TYW1B: variants seen among roughly 807,000 people sequenced by gnomAD.
TYW1B encodes S-adenosyl-L-methionine-dependent tRNA 4-demethylwyosine synthase TYW1B.
A neutral mutation model predicts 86.9 loss-of-function variants in TYW1B; 73 were observed. The ratio of observed to expected loss-of-function variants is 0.84; its 90% confidence interval spans 0.70 to 1.02. The LOEUF (loss-of-function observed/expected upper bound fraction) is 1.02, where lower values mean the gene tolerates loss of function less well. Among genes scored for constraint, TYW1B ranks in the 50% least tolerant of loss-of-function variants. The pLI is 0.00. For synonymous variants in TYW1B, 248 were observed against 292.8 expected (o/e 0.85, Z 1.56); for missense variants, 637 against 827.4 (o/e 0.77, Z 2.82).
intron 6 of TYW1B, among the ~76,000 whole-genome samples, chr7:72,781,810 C>T (rs1190982126): frequency 2.0e-5 from 3 of 152,188 alleles, no homozygotes; most frequent in African/African-American, 7.2e-5. Context: ...CCTCGCCAAG[C>T]TGCAGTGGTC....
chr7:72,814,530 G>T (rs1330915558), intron 3 of TYW1B, among the ~76,000 whole-genome samples: 2 of 151,930 alleles, frequency 1.3e-5, no homozygotes, highest in Non-Finnish European at 2.9e-5. Context: ...CTTGCAGTGA[G>T]CCGAGATCGC....
intron 13 of TYW1B, among the ~76,000 whole-genome samples, chr7:72,599,433 T>C (rs1811606796): frequency 6.6e-6 from 1 of 152,180 alleles, no homozygotes; most frequent in South Asian, 2.1e-4. Context: ...GCTAAGATCA[T>C]ACTTAATGGT....
intron 7 of TYW1B, among the ~76,000 whole-genome samples, chr7:72,753,665 G>A (rs569626715): frequency 6.6e-6 from 1 of 152,052 alleles, no homozygotes; most frequent in South Asian, 2.1e-4. Context: ...ATTTTTAGTA[G>A]AGACGGGGTT....
intron 11 of TYW1B, among the ~76,000 whole-genome samples, chr7:72,679,536 A>T (rs1436030091): frequency 3.9e-5 from 6 of 152,168 alleles, no homozygotes; most frequent in Non-Finnish European, 8.8e-5. Context: ...GGAAGAAATG[A>T]GGGAGGCTAC....
chr7:72,713,340 C>G (rs1177878731), intron 10 of TYW1B, among the ~76,000 whole-genome samples: 1 of 147,832 alleles, frequency 6.8e-6, no homozygotes, highest in Non-Finnish European at 1.5e-5. Context: ...ATGACAGCTT[C>G]TCTGGTAAGT....
intron 11 of TYW1B, among the ~76,000 whole-genome samples, chr7:72,671,351 T>C (rs565507442): frequency 2.6e-5 from 4 of 152,336 alleles, no homozygotes; most frequent in Admixed American, 6.5e-5. Context: ...CAATGTGTGG[T>C]TGAACCATAA....
intron 2 of TYW1B, among the ~76,000 whole-genome samples, 197 bp from the exon 3 acceptor site, chr7:72,815,678 C>A (rs1788709958): frequency 6.6e-6 from 1 of 151,972 alleles, no homozygotes; most frequent in Non-Finnish European, 1.5e-5. Flanking sequence ...TTGTTCTCAC[C>A]CGATCAGGGT....
rs1554459237 is a variant in TYW1B at position 72,728,822 on chromosome 7, C to T, written c.1192G>A (p.Gly398Arg). The part of the protein sequence containing the change: ...NHQNMIKQFK[G>R]VPGVKAERFE... ...TCCTCTGTAGAGGGAAGATAAATAC[C>T]TTTAAACTGCTTAATCATGTTCTGA... Residue 398 changes from glycine (G) to arginine (R), a missense_variant and splice_region_variant, in exon 9 of 14, where the codon GGA becomes AGA. Gly to Arg is a moderately radical substitution (Grantham distance 125). Coordinates refer to ENST00000620995, the MANE Select transcript of TYW1B (RefSeq NM_001145440.3). The T allele has an allele frequency of 6.2e-7, 1 of 1,612,346 alleles. No homozygotes were observed.
chr7:72,649,077 C>A (rs1423735482), intron 11 of TYW1B, among the ~76,000 whole-genome samples: 2 of 151,998 alleles, frequency 1.3e-5, no homozygotes, highest in Non-Finnish European at 2.9e-5. Context: ...ACATTTTGAA[C>A]AAGACAGTCC....
At chr7:72,672,567 C>T (rs1484434075) in intron 11 of TYW1B, among the ~76,000 whole-genome samples, 1 of 151,448 alleles carries the variant, frequency 6.6e-6, no homozygotes, top group Non-Finnish European at 1.5e-5. Context: ...GTTCCTTCAG[C>T]ATCTGCAGAT....
intron 8 of TYW1B, 60 bp from the exon 9 acceptor site, chr7:72,728,991 T>C: frequency 1.3e-6 from 2 of 1,496,092 alleles, no homozygotes; most frequent in Non-Finnish European, 1.8e-6. Flanking sequence ...GGCTAGTCAT[T>C]TATGATGAAG....
At chr7:72,803,294 C>A in intron 5 of TYW1B, among the ~76,000 whole-genome samples, 1 of 152,144 alleles carries the variant, frequency 6.6e-6, no homozygotes, top group South Asian at 2.1e-4. Flanking sequence ...GGAGTGGGAA[C>A]AACTAACACT....
At chr7:72,749,111 T>C (rs1216488137) in intron 7 of TYW1B, among the ~76,000 whole-genome samples, 5 of 152,214 alleles carry the variant, frequency 3.3e-5, no homozygotes, top group African/African-American at 9.6e-5. Flanking sequence ...CTTCAATGAT[T>C]ACAGGATTAT....
At chr7:72,785,796 ATGTGTG>A (rs1373041410) in intron 6 of TYW1B, among the ~76,000 whole-genome samples, 2 of 152,272 alleles carry the variant, frequency 1.3e-5, no homozygotes, top group African/African-American at 4.8e-5. Flanking sequence ...CACTCAGGGA[ATGTGTG>A]AGCCAGCCCC....
chr7:72,694,919 T>TG, intron 10 of TYW1B, 97 bp from the exon 11 acceptor site: 1 of 1,380,580 alleles, frequency 7.2e-7, no homozygotes, highest in Admixed American at 2.7e-5. Flanking sequence ...TATTAAACAC[T>TG]TCACAGGGTC....
At chr7:72,699,564 C>A (rs1814407689) in intron 10 of TYW1B, among the ~76,000 whole-genome samples, 1 of 152,174 alleles carries the variant, frequency 6.6e-6, no homozygotes, top group Non-Finnish European at 1.5e-5. Context: ...GCTCTAATAA[C>A]CGAAAGGTTG....
At chr7:72,817,879 G>A (rs1788754334) in intron 2 of TYW1B, among the ~76,000 whole-genome samples, 2 of 152,054 alleles carry the variant, frequency 1.3e-5, no homozygotes, top group Admixed American at 1.3e-4. Flanking sequence ...ATCAGAGGCT[G>A]CAGTGGAGTT....
At chr7:72,631,262 C>A (rs1293629144) in intron 11 of TYW1B, among the ~76,000 whole-genome samples, 1 of 152,114 alleles carries the variant, frequency 6.6e-6, no homozygotes, top group Non-Finnish European at 1.5e-5. Flanking sequence ...CCTGTAATCC[C>A]AGCACTTTGG....
At chr7:72,683,812 G>A (rs574820865) in intron 11 of TYW1B, among the ~76,000 whole-genome samples, 8 of 152,122 alleles carry the variant, frequency 5.3e-5, no homozygotes, top group African/African-American at 1.2e-4. Context: ...GGGATAACCC[G>A]ACCAGATGCA....
Sources: gnomAD v4.1 joint callset for allele counts (sites outside exome capture counted in the v4.1 genomes callset) on GRCh38, gnomAD v4.1.1 for gene constraint, MANE v1.5 for transcripts, NCBI Gene and HGNC (gene_info 2026-07-23, HGNC 2026-07-21) for gene names.